The following TUSC3 variants were observed in gnomAD, a reference collection of about 807,000 sequenced individuals.
The protein encoded by TUSC3 is tumor suppressor candidate 3.
TUSC3 carries 45 observed loss-of-function variants against 44.8 expected under a neutral mutation model. The observed-to-expected ratio is 1.00, with a 90% confidence interval of 0.79 to 1.29. The LOEUF is 1.29. TUSC3 is among the 50% of genes most tolerant of loss of function. TUSC3 has a pLI of 0.00. For synonymous variants in TUSC3, 212 were observed against 152.9 expected (o/e 1.39, Z -2.85); for missense variants, 519 against 437.9 (o/e 1.19, Z -1.65).
chr8:15,843,351 T>C, the TUSC3 span, among the ~76,000 whole-genome samples: 70,449 of 151,950 alleles, frequency 0.46, 18,371 homozygotes, highest in Non-Finnish European at 0.6. Flanking sequence ...CTCTTGGATA[T>C]TGTGTCACAA....
the TUSC3 span, among the ~76,000 whole-genome samples, chr8:15,811,108 A>G: frequency 2.9e-4 from 44 of 152,300 alleles, no homozygotes; most frequent in African/African-American, 9.4e-4. Flanking sequence ...GAGTGTGAAC[A>G]TGCTTGGGAA....
Position 15,566,036 on chromosome 8 carries a change from T to G in TUSC3, c.138+25468T>G, listed in dbSNP as rs138691666. On this transcript the variant is annotated intron_variant, in intron 1 of 10. Coordinates refer to ENST00000503731, the MANE Select transcript of TUSC3 (RefSeq NM_006765.4). ...TATGATGTATTTAAACACACCTGAT[T>G]CAGAGTAGTACATTTTCCTTGTTTT... Among the ~76,000 whole-genome samples the G allele has an allele frequency of 7.8e-3, 1,182 of 152,274 alleles. 27 individuals carry two copies. Among genetic ancestry groups the G allele is most frequent in the Admixed American group, 0.04 (619 of 15,290 alleles).
intron 1 of TUSC3, among the ~76,000 whole-genome samples, chr8:15,611,448 A>C (rs1205928891): frequency 6.6e-6 from 1 of 152,164 alleles, no homozygotes; most frequent in Non-Finnish European, 1.5e-5. Flanking sequence ...CGGCCTCCCA[A>C]AGTGCTGGGA....
intron 7 of TUSC3, among the ~76,000 whole-genome samples, chr8:15,734,507 A>G (rs1810853387): frequency 6.6e-6 from 1 of 152,198 alleles, no homozygotes; most frequent in South Asian, 2.1e-4. Flanking sequence ...TAACTTACAT[A>G]GGGCTTTATA....
intron 2 of TUSC3, among the ~76,000 whole-genome samples, chr8:15,533,329 C>T (rs750884272): frequency 9.2e-5 from 14 of 152,150 alleles, no homozygotes; most frequent in Non-Finnish European, 1.9e-4. Context: ...ATGCTGTTGT[C>T]TAGCTAAGTA....
chr8:15,748,324 G>A (rs753667268), intron 8 of TUSC3, 51 bp from the exon 9 acceptor site: 2 of 1,348,978 alleles, frequency 1.5e-6, no homozygotes, highest in African/African-American at 1.4e-5. Context: ...AACAATTGGG[G>A]TTTCATTTGC....
At chr8:15,604,119 G>A (rs1804420409) in intron 1 of TUSC3, among the ~76,000 whole-genome samples, 1 of 151,594 alleles carries the variant, frequency 6.6e-6, no homozygotes. Context: ...TAAAACAAAA[G>A]TTTGAATTAA....
At chr8:15,666,080 G>A (rs993826576) in intron 5 of TUSC3, among the ~76,000 whole-genome samples, 56 of 151,530 alleles carry the variant, frequency 3.7e-4, no homozygotes, top group African/African-American at 1.2e-3. Context: ...GCATAGATAC[G>A]TAGTTTATGG....
At chr8:15,775,976 G>C in the TUSC3 span, among the ~76,000 whole-genome samples, 2 of 151,794 alleles carry the variant, frequency 1.3e-5, no homozygotes, top group Non-Finnish European at 2.9e-5. Context: ...ATGGGGATGA[G>C]GTTAATAATT....
chr8:15,425,325 G>A (rs528755357), intron 1 of TUSC3, among the ~76,000 whole-genome samples: 3 of 152,226 alleles, frequency 2.0e-5, no homozygotes, highest in African/African-American at 4.8e-5. Context: ...ATTCTTTTTC[G>A]CCCTTAAGAA....
intron 5 of TUSC3, 48 bp from the exon 6 acceptor site, chr8:15,673,699 C>G (rs772336636): frequency 7.3e-7 from 1 of 1,374,606 alleles, no homozygotes; most frequent in East Asian, 2.3e-5. Flanking sequence ...ATGCATTATT[C>G]TGGTATTCTC....
At chr8:15,752,696 A>G (rs1811758703) in intron 9 of TUSC3, among the ~76,000 whole-genome samples, 1 of 152,116 alleles carries the variant, frequency 6.6e-6, no homozygotes, top group Non-Finnish European at 1.5e-5. Context: ...CTCCTGTGCC[A>G]TGTTTTGTGT....
intron 2 of TUSC3, among the ~76,000 whole-genome samples, chr8:15,635,297 C>T (rs765994944): frequency 7.2e-5 from 11 of 152,226 alleles, no homozygotes; most frequent in South Asian, 2.1e-4. Context: ...ACCAAACTGC[C>T]GTGTGAAGGT....
intron 2 of TUSC3, among the ~76,000 whole-genome samples, chr8:15,487,356 G>A (rs2129125424): frequency 6.6e-6 from 1 of 152,198 alleles, no homozygotes; most frequent in African/African-American, 2.4e-5. Flanking sequence ...GTTCATCAGT[G>A]TTCATATTAA....
chr8:15,616,001 TA>T (rs1006807522), intron 1 of TUSC3, among the ~76,000 whole-genome samples: 3 of 151,840 alleles, frequency 2.0e-5, no homozygotes, highest in African/African-American at 4.8e-5. Context: ...CTGGCTCATT[TA>T]AAAAAAAATT....
intron 2 of TUSC3, among the ~76,000 whole-genome samples, chr8:15,643,453 A>G (rs1286191686): frequency 3.9e-5 from 6 of 151,972 alleles, no homozygotes; most frequent in East Asian, 1.9e-4. Context: ...TTGACTTTCA[A>G]AAACTGAGTG....
the TUSC3 span, among the ~76,000 whole-genome samples, chr8:15,822,010 G>A: frequency 6.6e-6 from 1 of 152,156 alleles, no homozygotes; most frequent in Admixed American, 6.6e-5. Context: ...TGGTAGCACT[G>A]CGAGTAATAA....
the TUSC3 span, among the ~76,000 whole-genome samples, chr8:15,811,239 G>C: frequency 1.3e-5 from 2 of 152,112 alleles, no homozygotes; most frequent in Non-Finnish European, 2.9e-5. Flanking sequence ...CAAAGTGAAG[G>C]CTTTTGTTTT....
At chr8:15,710,673 C>T (rs916547214) in intron 6 of TUSC3, among the ~76,000 whole-genome samples, 13 of 151,584 alleles carry the variant, frequency 8.6e-5, no homozygotes, top group African/African-American at 3.1e-4. Context: ...TAGAAATGCA[C>T]CTTTGTAGCA....
Sources: gnomAD v4.1 joint callset for allele counts (sites outside exome capture counted in the v4.1 genomes callset) on GRCh38, gnomAD v4.1.1 for gene constraint, MANE v1.5 for transcripts, NCBI Gene and HGNC (gene_info 2026-07-23, HGNC 2026-07-21) for gene names.